The following DAB1 variants were observed in gnomAD, a reference collection of about 807,000 sequenced individuals.
DAB1 encodes disabled homolog 1.
DAB1 carries 15 observed loss-of-function variants against 64.6 expected under a neutral mutation model. The observed-to-expected ratio is 0.23, with a 90% CI of 0.16 to 0.36. The LOEUF (loss-of-function observed/expected upper bound fraction) is 0.36. DAB1 is among the 10% of genes least tolerant of loss of function. DAB1 has a pLI of 1.00. For synonymous variants in DAB1, 235 were observed against 251.9 expected (o/e 0.93, Z 0.64); for missense variants, 596 against 706.7 (o/e 0.84, Z 1.78).
intron 1 of DAB1, among the ~76,000 whole-genome samples, chr1:57,326,443 G>A (rs948686746): frequency 6.6e-6 from 1 of 152,080 alleles, no homozygotes; most frequent in African/African-American, 2.4e-5. Flanking sequence ...ACTGAAAGAG[G>A]GTATTAAACA....
intron 7 of DAB1, among the ~76,000 whole-genome samples, chr1:57,437,791 A>G (rs1685751590): frequency 6.6e-6 from 1 of 152,240 alleles, no homozygotes; most frequent in Non-Finnish European, 1.5e-5. Context: ...CCGTTATCAC[A>G]TTAAATGTCT....
intron 3 of DAB1, among the ~76,000 whole-genome samples, chr1:58,372,259 G>A (rs954080072): frequency 6.6e-6 from 1 of 152,196 alleles, no homozygotes; most frequent in African/African-American, 2.4e-5. Context: ...TGTGACACAT[G>A]GAATCAAAAG....
chr1:57,706,882 G>T (rs1646973110), intron 6 of DAB1, among the ~76,000 whole-genome samples: 1 of 151,956 alleles, frequency 6.6e-6, no homozygotes, highest in Non-Finnish European at 1.5e-5. Flanking sequence ...AGACCAGACT[G>T]CCCAACATGG....
At position 57,795,088 on chromosome 1, in the gene DAB1, G is replaced by A. The variant is rs182833618; in HGVS notation, n.551+88911C>T. ...CCCGAACTCTCTCCCATCCATCAGA[G>A]TTACTGATTATGGTGGCAGTGTTAA... On this transcript the variant is annotated intron_variant and non_coding_transcript_variant, in intron 6 of 20. Coordinates refer to the DAB1 transcript ENST00000485760. Among the ~76,000 whole-genome samples the A allele has an allele frequency of 6.6e-5, 10 of 152,340 alleles. No homozygotes were observed. In the East Asian group the frequency reaches 1.9e-3, roughly 29 times the overall value.
chr1:58,274,321 G>T (rs141002595), intron 4 of DAB1, among the ~76,000 whole-genome samples: 65,753 of 109,778 alleles, frequency 0.6, 21,078 homozygotes, highest in East Asian at 0.83. Context: ...GCTGCTCGGG[G>T]GTCAGGGGTC....
At chr1:58,446,060 G>A (rs1230713150) in intron 3 of DAB1, among the ~76,000 whole-genome samples, 1 of 152,168 alleles carries the variant, frequency 6.6e-6, no homozygotes, top group Non-Finnish European at 1.5e-5. Context: ...CGGACAACCA[G>A]CATGGCTTCC....
chr1:57,491,071 A>G (rs1022496978), intron 7 of DAB1, among the ~76,000 whole-genome samples: 1 of 152,182 alleles, frequency 6.6e-6, no homozygotes, highest in Non-Finnish European at 1.5e-5. Context: ...ACATCTCTCT[A>G]TGAATTTGTA....
chr1:57,229,486 C>T (rs1170498102), intron 2 of DAB1, among the ~76,000 whole-genome samples: 2 of 151,770 alleles, frequency 1.3e-5, no homozygotes, highest in African/African-American at 2.4e-5. Context: ...TGAGCCACTG[C>T]GCCCGGCCTA....
intron 5 of DAB1, among the ~76,000 whole-genome samples, chr1:58,113,531 ACTT>A (rs1193922922): frequency 6.6e-6 from 1 of 152,158 alleles, no homozygotes; most frequent in Admixed American, 6.5e-5. Flanking sequence ...GGCAAAAAAA[ACTT>A]CTGTGTAATG....
At chr1:58,180,428 G>A (rs1656729474) in intron 4 of DAB1, among the ~76,000 whole-genome samples, 1 of 150,486 alleles carries the variant, frequency 6.6e-6, no homozygotes. Flanking sequence ...GAGTAACTGG[G>A]ACTACAGGTG....
At chr1:57,828,410 C>CT (rs1569797349) in intron 1 of DAB1, among the ~76,000 whole-genome samples, 1 of 152,186 alleles carries the variant, frequency 6.6e-6, no homozygotes, top group Non-Finnish European at 1.5e-5. Context: ...TTTATCTTAT[C>CT]TTCCACCCCA....
At chr1:57,940,535 A>C (rs1363703321) in intron 5 of DAB1, among the ~76,000 whole-genome samples, 1 of 152,204 alleles carries the variant, frequency 6.6e-6, no homozygotes, top group Admixed American at 6.5e-5. Context: ...AGCCCAATGC[A>C]TCTCAAATTT....
chr1:57,846,023 G>T lies in DAB1; in HGVS notation n.88-19568C>A, dbSNP rs575055921. On this transcript the variant is annotated intron_variant and non_coding_transcript_variant, in intron 1 of 1. Transcript: ENST00000477280. ...CTGTCTGCACACGAAATGCTTTGTG[G>T]ATCACATGACTGCCACTCTGCCCCA... 3.3e-5 allele frequency among the ~76,000 whole-genome samples: 5 copies of T among 152,274 alleles called. No individual in the cohort carries two copies. The East Asian group carries it at 9.7e-4, about 30-fold the overall frequency.
At chr1:58,373,390 T>A (rs1644288864) in intron 3 of DAB1, among the ~76,000 whole-genome samples, 1 of 145,210 alleles carries the variant, frequency 6.9e-6, no homozygotes, top group South Asian at 2.3e-4. Flanking sequence ...ATCTCATTGT[T>A]CAATTCCCAC....
chr1:58,452,216 G>A (rs1378813683), intron 3 of DAB1, among the ~76,000 whole-genome samples: 1 of 151,778 alleles, frequency 6.6e-6, no homozygotes. Flanking sequence ...TTACAGGCGT[G>A]AGCCACTGCA....
chr1:58,524,285 C>A (rs1646315789), intron 2 of DAB1, among the ~76,000 whole-genome samples: 1 of 152,210 alleles, frequency 6.6e-6, no homozygotes, highest in Non-Finnish European at 1.5e-5. Flanking sequence ...CTTAAAGCAT[C>A]TGGGAATGCA....
At chr1:57,239,103 C>T (rs961283095) in intron 2 of DAB1, among the ~76,000 whole-genome samples, 1 of 152,150 alleles carries the variant, frequency 6.6e-6, no homozygotes, top group African/African-American at 2.4e-5. Flanking sequence ...CCATTAAGCT[C>T]ATTGCCCTTG....
intron 9 of DAB1, among the ~76,000 whole-genome samples, chr1:57,029,553 A>C (rs1235862850): frequency 8.7e-6 from 1 of 115,228 alleles, no homozygotes; most frequent in Non-Finnish European, 1.8e-5. Context: ...CAGACACTCC[A>C]TGCCTGCCCA....
intron 7 of DAB1, among the ~76,000 whole-genome samples, chr1:57,573,534 T>C (rs1221373248): frequency 6.6e-6 from 1 of 152,206 alleles, no homozygotes; most frequent in Non-Finnish European, 1.5e-5. Flanking sequence ...TTTAAGTGCA[T>C]GTTATTGCTC....
Sources: allele counts gnomAD v4.1 joint callset (sites outside exome capture counted in the v4.1 genomes callset), GRCh38; gene constraint gnomAD v4.1.1; transcripts MANE v1.5; gene names NCBI Gene and HGNC (gene_info 2026-07-23, HGNC 2026-07-21).